TAF2: variants seen among roughly 807,000 people sequenced by gnomAD.
The protein encoded by TAF2 is transcription initiation factor TFIID subunit 2.
TAF2 carries 61 observed loss-of-function variants against 138.5 expected under a neutral mutation model. The ratio of observed to expected loss-of-function variants is 0.44; its 90% confidence interval spans 0.36 to 0.54. The LOEUF is 0.54. Among genes scored for constraint, TAF2 ranks in the 20% least tolerant of loss-of-function variants. The pLI, the probability that TAF2 is intolerant of heterozygous loss-of-function variation, is 0.00. For synonymous variants in TAF2, 475 were observed against 469.9 expected, an observed-to-expected ratio of 1.01 and a Z score of -0.14; for missense variants, 1,090 against 1,427.9, an observed-to-expected ratio of 0.76 and a Z score of 3.81.
intron 25 of TAF2, among the ~76,000 whole-genome samples, chr8:119,732,757 T>A (rs938113254): frequency 1.3e-5 from 2 of 152,156 alleles, no homozygotes; most frequent in African/African-American, 4.8e-5. Context: ...TGAGCTGAGA[T>A]CGTGTCACTG....
chr8:119,777,937 C>A (rs564895316), intron 18 of TAF2, 82 bp downstream of exon 18: 1 of 724,620 alleles, frequency 1.4e-6, no homozygotes, highest in South Asian at 1.8e-5. Flanking sequence ...AAACAAAATA[C>A]CATTGGGTAG....
chr8:119,780,977 C>A (rs909947172), intron 17 of TAF2, 76 bp downstream of exon 17: 53 of 1,187,918 alleles, frequency 4.5e-5, no homozygotes, highest in Non-Finnish European at 5.7e-5. Context: ...AAAGTAAACA[C>A]ATCTATTATT....
chr8:119,796,553 C>T (rs1416949356), intron 8 of TAF2, among the ~76,000 whole-genome samples: 1 of 151,788 alleles, frequency 6.6e-6, no homozygotes, highest in Non-Finnish European at 1.5e-5. Context: ...GAGTTATTTC[C>T]AATTGCTTTG....
chr8:119,754,457 G>A (rs1399461174), intron 22 of TAF2, among the ~76,000 whole-genome samples: 1 of 151,944 alleles, frequency 6.6e-6, no homozygotes, highest in African/African-American at 2.4e-5. Flanking sequence ...AAGATGAGGC[G>A]GCGGATCACA....
chr8:119,821,114 A>G (rs1825781228), intron 2 of TAF2, among the ~76,000 whole-genome samples: 1 of 152,224 alleles, frequency 6.6e-6, no homozygotes, highest in Non-Finnish European at 1.5e-5. Context: ...GAATGATGAA[A>G]TGTATTTCAG....
At chr8:119,763,450 C>T (rs1253082556) in intron 18 of TAF2, among the ~76,000 whole-genome samples, 1 of 152,194 alleles carries the variant, frequency 6.6e-6, no homozygotes, top group Non-Finnish European at 1.5e-5. Context: ...GTATTTAAGG[C>T]TGGGAGTGGT....
At chr8:119,757,455 G>A (rs771206846) in intron 21 of TAF2, among the ~76,000 whole-genome samples, 19 of 152,052 alleles carry the variant, frequency 1.2e-4, no homozygotes, top group Non-Finnish European at 2.1e-4. Context: ...ATTTTAAAAT[G>A]TGAGTTTGTT....
At chr8:119,824,794 A>C (rs4871649) in intron 2 of TAF2, among the ~76,000 whole-genome samples, 91,132 of 152,170 alleles carry the variant, frequency 0.6, 27,587 homozygotes, top group Middle Eastern at 0.76. Flanking sequence ...GGTGAGCCTG[A>C]GAGTGCAGAG....
In TAF2 at chr8:119,764,524, A is replaced by C. The variant is rs1821295947; in HGVS notation, c.2365-1916T>G. ...TGGCATGCTGTAAAGTAACATGGTA[A>C]TACTAAAAACATTACCACACAAATG... On this transcript the variant is annotated intron_variant, in intron 18 of 25. Transcript: ENST00000378164. Among the ~76,000 whole-genome samples the C allele has an allele frequency of 1.3e-5, 2 of 152,242 alleles. 1 individual carries two copies. Among genetic ancestry groups the C allele is most frequent in the South Asian group, 4.1e-4 (2 of 4,836 alleles).
chr8:119,779,983 C>A (rs1027268116), intron 17 of TAF2, among the ~76,000 whole-genome samples: 1 of 152,120 alleles, frequency 6.6e-6, no homozygotes, highest in East Asian at 1.9e-4. Flanking sequence ...TTCCCCTGTA[C>A]AAAACAAACC....
intron 23 of TAF2, among the ~76,000 whole-genome samples, chr8:119,745,497 T>C (rs1461712984): frequency 6.6e-6 from 1 of 152,004 alleles, no homozygotes; most frequent in Non-Finnish European, 1.5e-5. Context: ...CTTCAGAAAA[T>C]TTAGGTGAAT....
At chr8:119,806,467 TTC>T (rs376950198) in intron 3 of TAF2, 66 bp from the exon 4 acceptor site, 95 of 1,170,794 alleles carry the variant, frequency 8.1e-5, no homozygotes, top group Middle Eastern at 4.4e-4. Context: ...TTTTCTTTCT[TTC>T]TTTTTTTTTT....
At position 119,765,444 on chromosome 8, in the gene TAF2, G is replaced by A. The variant is rs189291169; in HGVS notation, c.2365-2836C>T. Among the ~76,000 whole-genome samples, 721 of 152,214 alleles carry A rather than the reference G, an allele frequency of 4.7e-3. 3 individuals carry two copies. The highest frequency in any genetic ancestry group is 0.017 in the South Asian group (80 of 4,832). ...TTCAATAGGTAGAGGAAGGAGAAAG[G>A]CACCCTTGGGTTAAGGAGACAACAT... On this transcript the variant is annotated intron_variant, in intron 18 of 25. Transcript: ENST00000378164.
intron 21 of TAF2, 55 bp from the exon 22 acceptor site, chr8:119,756,170 G>C (rs997785800): frequency 4.0e-6 from 5 of 1,246,074 alleles, no homozygotes; most frequent in Non-Finnish European, 5.9e-6. Context: ...CAGATGCTAT[G>C]AGTAGGAGAC....
intron 8 of TAF2, among the ~76,000 whole-genome samples, chr8:119,796,349 A>G (rs1431000515): frequency 6.6e-6 from 1 of 152,096 alleles, no homozygotes; most frequent in East Asian, 1.9e-4. Flanking sequence ...TACTATATAT[A>G]GTATAGAATG....
rs764212837 is a variant in TAF2 at position 119,822,960 on chromosome 8, CCT to C, written c.139-3456_139-3455del. On this transcript the variant is annotated intron_variant, in intron 2 of 25. Transcript: ENST00000378164. ...TCTGCCAACTACCAATTACCTTGCCCCTCTGTTTCACGTACCCATCTTTCCCT... is the reference window on the plus strand; with the variant it reads ...TCTGCCAACTACCAATTACCTTGCCCCTGTTTCACGTACCCATCTTTCCCT... Among the ~76,000 whole-genome samples the C allele has an allele frequency of 5.3e-5, 8 of 152,254 alleles. No homozygotes were observed. The South Asian group carries it at 1.7e-3, about 32-fold the overall frequency.
At position 119,796,979 on chromosome 8, in the gene TAF2, A is replaced by G. The variant is rs781708158; in HGVS notation, c.1091+11T>C. 1.4e-5 allele frequency: 22 copies of G among 1,573,820 alleles called. No individual in the cohort carries two copies. The Admixed American group carries it at 3.7e-4, about 26-fold the overall frequency. The stretch of plus-strand genomic sequence containing the variant: ...TCTCTTCTCAGTAGTATGAACTTTC[A>G]GGTCACTCACCAAGACATTCTAGAT... On this transcript the variant is annotated intron_variant, in intron 8 of 25. Coordinates refer to ENST00000378164, the MANE Select transcript of TAF2 (RefSeq NM_003184.4).
chr8:119,783,911 T>C (rs1822844334), intron 15 of TAF2, among the ~76,000 whole-genome samples: 1 of 152,202 alleles, frequency 6.6e-6, no homozygotes, highest in Non-Finnish European at 1.5e-5. Flanking sequence ...CAAAGGACAC[T>C]GAATCTCTCA....
chr8:119,745,639 T>C (rs1446923375), intron 23 of TAF2, among the ~76,000 whole-genome samples: 2 of 152,148 alleles, frequency 1.3e-5, no homozygotes, highest in East Asian at 3.8e-4. Context: ...GCTTGAAGTA[T>C]TGGAGACATT....
Sources: gnomAD v4.1 joint callset for allele counts (sites outside exome capture counted in the v4.1 genomes callset) on GRCh38, gnomAD v4.1.1 for gene constraint, MANE v1.5 for transcripts, NCBI Gene and HGNC (gene_info 2026-07-23, HGNC 2026-07-21) for gene names.